The following SORCS3 variants were observed in gnomAD, a reference collection of about 807,000 sequenced individuals.
SORCS3 encodes VPS10 domain-containing receptor SorCS3.
Under a neutral mutation model 146.3 loss-of-function variants are expected in SORCS3, and 57 were observed. That is an observed-to-expected ratio of 0.39 (90% CI 0.31 to 0.49). The LOEUF is 0.49. Among genes scored for constraint, SORCS3 ranks in the 20% least tolerant of loss-of-function variants. The probability of loss-of-function intolerance (pLI) is 0.92; values close to 1 mark genes in which losing one functional copy is unlikely to be tolerated. For synonymous variants in SORCS3, 653 were observed against 618.5 expected, an observed-to-expected ratio of 1.06 and a Z score of -0.83; for missense variants, 1,341 against 1,575.5, an observed-to-expected ratio of 0.85 and a Z score of 2.52.
At chr10:105,092,267 A>G (rs2055715753) in intron 6 of SORCS3, among the ~76,000 whole-genome samples, 1 of 152,236 alleles carries the variant, frequency 6.6e-6, no homozygotes, top group Non-Finnish European at 1.5e-5. Context: ...ATAATTGAAT[A>G]AAGGCAGGCA....
chr10:104,901,097 C>T (rs968429290), intron 2 of SORCS3, among the ~76,000 whole-genome samples: 1 of 152,144 alleles, frequency 6.6e-6, no homozygotes, highest in African/African-American at 2.4e-5. Context: ...TCCTCTATCA[C>T]TAATAAATGT....
intron 1 of SORCS3, among the ~76,000 whole-genome samples, chr10:104,799,427 A>G (rs1367207277): frequency 1.3e-5 from 2 of 152,188 alleles, no homozygotes; most frequent in African/African-American, 4.8e-5. Context: ...CATCAGTCTC[A>G]GCAAGCTATC....
At chr10:105,254,007 C>T (rs898842119) in intron 23 of SORCS3, among the ~76,000 whole-genome samples, 3 of 152,260 alleles carry the variant, frequency 2.0e-5, no homozygotes, top group South Asian at 2.1e-4. Context: ...GATATTAAGG[C>T]GCATACAGCG....
At chr10:104,927,026 CACTT>C (rs1204079030) in intron 3 of SORCS3, among the ~76,000 whole-genome samples, 1 of 152,054 alleles carries the variant, frequency 6.6e-6, no homozygotes, top group African/African-American at 2.4e-5. Flanking sequence ...AAAAATTAGT[CACTT>C]AGTGTACTTT....
chr10:104,643,495 G>T (rs1023564359), intron 1 of SORCS3, among the ~76,000 whole-genome samples: 1 of 152,210 alleles, frequency 6.6e-6, no homozygotes, highest in Admixed American at 6.5e-5. Context: ...GGCTTCATCT[G>T]CCTGGGATGA....
chr10:105,005,534 T>C (rs976671004), intron 4 of SORCS3, among the ~76,000 whole-genome samples: 5 of 149,918 alleles, frequency 3.3e-5, no homozygotes, highest in African/African-American at 1.2e-4. Context: ...TGTTCAGTAG[T>C]GGGGGGAGGA....
intron 3 of SORCS3, among the ~76,000 whole-genome samples, chr10:104,974,634 C>A (rs2054883400): frequency 1.3e-5 from 2 of 152,134 alleles, no homozygotes; most frequent in Non-Finnish European, 2.9e-5. Context: ...ACTGATGGGT[C>A]TTGACTCTTT....
chr10:104,688,804 G>C (rs148314498), intron 1 of SORCS3, among the ~76,000 whole-genome samples: 4 of 152,098 alleles, frequency 2.6e-5, no homozygotes, highest in African/African-American at 9.6e-5. Flanking sequence ...TTCCCTCCAC[G>C]TGCCAACTCC....
rs368257792 is a variant in SORCS3 at position 105,167,210 on chromosome 10, A to C, written c.1810-48A>C. The C allele has an allele frequency of 3.7e-5, 53 of 1,440,010 alleles. No individual in the cohort carries two copies. The African/African-American group carries it at 6.7e-4, about 18-fold the overall frequency. The allele number at this position is 1,440,010 out of a possible 1,614,324, so 89.2% of individuals were successfully genotyped here. On this transcript the variant is annotated intron_variant, in intron 12 of 26. Transcript: ENST00000369701. ...GACTGTAAACTGTTAAGCACTATGC[A>C]AATGTAAGGTGTTGCTATGATTGTT...
chr10:104,791,431 T>C (rs1287261869), intron 1 of SORCS3, among the ~76,000 whole-genome samples: 4 of 152,230 alleles, frequency 2.6e-5, no homozygotes, highest in Non-Finnish European at 4.4e-5. Context: ...TCAGCCTTTA[T>C]GCAAGTAAGA....
chr10:104,851,239 T>G (rs2018271187), intron 2 of SORCS3, among the ~76,000 whole-genome samples: 2 of 152,196 alleles, frequency 1.3e-5, no homozygotes, highest in South Asian at 4.1e-4. Flanking sequence ...TTTTTATGCC[T>G]CTTTTTTCTT....
intron 3 of SORCS3, among the ~76,000 whole-genome samples, chr10:104,919,345 A>C (rs1419256012): frequency 6.6e-6 from 1 of 151,522 alleles, no homozygotes; most frequent in East Asian, 1.9e-4. Flanking sequence ...GGGGAAAAAT[A>C]AGCAACAGGC....
chr10:105,148,377 G>T (rs2056146881), intron 9 of SORCS3, among the ~76,000 whole-genome samples: 1 of 152,030 alleles, frequency 6.6e-6, no homozygotes, highest in Non-Finnish European at 1.5e-5. Context: ...ACTAATTAAA[G>T]AATAATTTAC....
rs1173547074 is a variant in SORCS3, at chr10:104,662,023, G to A, written c.627+20069G>A. On this transcript the variant is annotated intron_variant, in intron 1 of 26. Transcript: ENST00000369701. ...TCCCTCATAACTTTATGAGTTGGAGGTTATTACTATCTCTCTTTAACAGAA... is the reference window on the plus strand; with the variant it reads ...TCCCTCATAACTTTATGAGTTGGAGATTATTACTATCTCTCTTTAACAGAA... Among the ~76,000 whole-genome samples the A allele has an allele frequency of 2.0e-5, 3 of 152,134 alleles. No homozygotes were observed. The East Asian group carries it at 5.8e-4, about 29-fold the overall frequency.
chr10:105,050,260 A>G (rs77531089), intron 5 of SORCS3, among the ~76,000 whole-genome samples: 1,881 of 152,210 alleles, frequency 0.012, 23 homozygotes, highest in African/African-American at 0.033. Flanking sequence ...CTTCTTGAGT[A>G]TAGACTGGAT....
chr10:104,668,731 A>G (rs1564655212), intron 1 of SORCS3, among the ~76,000 whole-genome samples: 1 of 152,192 alleles, frequency 6.6e-6, no homozygotes, highest in Non-Finnish European at 1.5e-5. Context: ...TCATATCTAG[A>G]CTTTTTCAAG....
intron 2 of SORCS3, among the ~76,000 whole-genome samples, chr10:104,909,896 G>A (rs1006559620): frequency 3.3e-5 from 5 of 151,204 alleles, no homozygotes; most frequent in Non-Finnish European, 5.9e-5. Context: ...AAAAGCATAC[G>A]ATAACTCACA....
intron 9 of SORCS3, among the ~76,000 whole-genome samples, chr10:105,153,340 G>GT: frequency 6.6e-6 from 1 of 152,116 alleles, no homozygotes; most frequent in East Asian, 1.9e-4. Flanking sequence ...GACAGAGGTT[G>GT]TTTTTCAATC....
chr10:105,056,428 A>C (rs1278971088), intron 5 of SORCS3, among the ~76,000 whole-genome samples: 1 of 152,152 alleles, frequency 6.6e-6, no homozygotes. Flanking sequence ...TCGAGGAGCA[A>C]TGAGAAATAA....
Sources: allele counts gnomAD v4.1 joint callset (sites outside exome capture counted in the v4.1 genomes callset), GRCh38; gene constraint gnomAD v4.1.1; transcripts MANE v1.5; gene names NCBI Gene and HGNC (gene_info 2026-07-23, HGNC 2026-07-21).